Variants in GAB2 observed in about 807,000 individuals in gnomAD.
GAB2 encodes GRB2-associated-binding protein 2.
A neutral mutation model predicts 65.5 loss-of-function variants in GAB2; 26 were observed. The observed-to-expected ratio is 0.40, with a 90% confidence interval of 0.29 to 0.55. The LOEUF (loss-of-function observed/expected upper bound fraction) is 0.55. GAB2 is among the 20% of genes least tolerant of loss of function. The pLI, the probability that GAB2 is intolerant of heterozygous loss-of-function variation, is 0.53. For missense variants in GAB2, 884 were observed against 875.8 expected, an observed-to-expected ratio of 1.01 and a Z score of -0.12; for synonymous variants, 321 against 329.6, an observed-to-expected ratio of 0.97 and a Z score of 0.28.
intron 1 of GAB2, among the ~76,000 whole-genome samples, chr11:78,303,880 CAA>C (rs939346234): frequency 3.9e-5 from 6 of 152,136 alleles, no homozygotes; most frequent in Non-Finnish European, 7.4e-5. Context: ...GTTGGAGAAA[CAA>C]AAGTTATTCT....
At chr11:78,416,343 G>T (rs1399782529) in intron 1 of GAB2, among the ~76,000 whole-genome samples, 1 of 152,060 alleles carries the variant, frequency 6.6e-6, no homozygotes, top group Non-Finnish European at 1.5e-5. Context: ...CTTGTACTCC[G>T]CAACAACAAC....
chr11:78,356,586 G>A (rs1031545410), intron 1 of GAB2, among the ~76,000 whole-genome samples: 1 of 152,100 alleles, frequency 6.6e-6, no homozygotes, highest in Non-Finnish European at 1.5e-5. Flanking sequence ...CTTTGGTTTT[G>A]AGCAATTAAG....
intron 1 of GAB2, among the ~76,000 whole-genome samples, chr11:78,386,775 G>A (rs1482620383): frequency 6.6e-5 from 10 of 152,142 alleles, no homozygotes; most frequent in Admixed American, 2.0e-4. Context: ...AGTAATGACC[G>A]CAGTCAGGGC....
chr11:78,239,193 AACT>A, intron 3 of GAB2, among the ~76,000 whole-genome samples: 1 of 152,168 alleles, frequency 6.6e-6, no homozygotes, highest in Admixed American at 6.5e-5. Context: ...ATGAATAAAC[AACT>A]ACATTTTAAA....
chr11:78,224,223 G>A (rs568045132), intron 5 of GAB2, among the ~76,000 whole-genome samples: 2 of 152,288 alleles, frequency 1.3e-5, no homozygotes, highest in South Asian at 2.1e-4. Flanking sequence ...CTTGGTGACT[G>A]GGTCCACTTG....
At chr11:78,312,063 C>A (rs61490632) in intron 1 of GAB2, among the ~76,000 whole-genome samples, 2,215 of 152,152 alleles carry the variant, frequency 0.015, 60 homozygotes, top group African/African-American at 0.051. Flanking sequence ...TGAAAACAGC[C>A]CTTTTTCTAG....
intron 1 of GAB2, among the ~76,000 whole-genome samples, chr11:78,285,821 T>A (rs1866464468): frequency 6.6e-6 from 1 of 152,230 alleles, no homozygotes; most frequent in South Asian, 2.1e-4. Context: ...CAACTCTAAG[T>A]GTCTGGCCTC....
rs372693456 is a variant in GAB2 at position 78,233,040 on chromosome 11, G to GTT, written c.621-5991_621-5990dup. Among the ~76,000 whole-genome samples the GTT allele has an allele frequency of 4.5e-3, 600 of 131,958 alleles. 16 individuals carry two copies. The highest frequency in any genetic ancestry group is 0.017 in the African/African-American group (553 of 33,280). The allele number at this position is 131,958 out of a possible 152,430, so 86.6% of individuals were successfully genotyped here. On this transcript the variant is annotated intron_variant, in intron 3 of 9. Transcript: ENST00000361507. ...ACTTACCAATACCTGGCACTGTTAA[G>GTT]TTTTTTTTTTTTTTTTGGTGACAAG...
At chr11:78,238,923 A>G (rs1865058334) in intron 3 of GAB2, among the ~76,000 whole-genome samples, 1 of 152,198 alleles carries the variant, frequency 6.6e-6, no homozygotes, top group Admixed American at 6.5e-5. Flanking sequence ...AACAACAACA[A>G]CAAAAATCAA....
chr11:78,407,139 G>A (rs1427767736), intron 1 of GAB2, among the ~76,000 whole-genome samples: 1 of 152,144 alleles, frequency 6.6e-6, no homozygotes, highest in African/African-American at 2.4e-5. Flanking sequence ...TTTGTCATTG[G>A]ATTCTTGGAA....
At chr11:78,350,093 A>G (rs1172108230) in intron 1 of GAB2, among the ~76,000 whole-genome samples, 1 of 152,142 alleles carries the variant, frequency 6.6e-6, no homozygotes, top group Non-Finnish European at 1.5e-5. Flanking sequence ...TTGAAAAAAA[A>G]GTTAGGCAAA....
At chr11:78,406,893 TAGAAGA>T (rs575203620) in intron 1 of GAB2, among the ~76,000 whole-genome samples, 9,584 of 151,606 alleles carry the variant, frequency 0.063, 970 homozygotes, top group African/African-American at 0.22. Context: ...AGTAAAAAAA[TAGAAGA>T]TGTAAAGAAA....
Position 78,374,410 on chromosome 11 carries a change from A to G in GAB2, c.75+43236T>C, listed in dbSNP as rs566456927. 2.0e-5 allele frequency among the ~76,000 whole-genome samples: 3 copies of G among 152,314 alleles called. No individual in the cohort carries two copies. In the East Asian group the frequency reaches 5.8e-4, roughly 29 times the overall value. On this transcript the variant is annotated intron_variant, in intron 1 of 9. Coordinates refer to ENST00000361507, the MANE Select transcript of GAB2 (RefSeq NM_080491.3). ...ATGTAGGACCTTATTGTCCATGTCA[A>G]CAAACCCCTACAACAAAGGAAAGAC... is the stretch of plus-strand genomic sequence containing the variant.
chr11:78,281,642 T>A (rs977203619), intron 1 of GAB2, among the ~76,000 whole-genome samples: 5 of 152,198 alleles, frequency 3.3e-5, no homozygotes, highest in Admixed American at 3.3e-4. Flanking sequence ...TTTTCAGATT[T>A]CCCAAGTTTC....
At chr11:78,230,652 G>C (rs1368142783) in intron 3 of GAB2, among the ~76,000 whole-genome samples, 1 of 152,268 alleles carries the variant, frequency 6.6e-6, no homozygotes, top group Non-Finnish European at 1.5e-5. Context: ...GCATATGATA[G>C]ATAATAGTGA....
intron 2 of GAB2, among the ~76,000 whole-genome samples, chr11:78,269,877 A>G (rs1565135122): frequency 6.6e-6 from 1 of 152,200 alleles, no homozygotes; most frequent in Non-Finnish European, 1.5e-5. Context: ...GAGTTCGAGA[A>G]GGTAAAAAAC....
chr11:78,411,732 GA>G (rs921253918), intron 1 of GAB2, among the ~76,000 whole-genome samples: 85 of 146,308 alleles, frequency 5.8e-4, no homozygotes, highest in Non-Finnish European at 8.0e-4. Flanking sequence ...AAAATGTGTA[GA>G]AAAAAAAAAA....
chr11:78,346,112 G>A (rs1856174959), intron 1 of GAB2, among the ~76,000 whole-genome samples: 2 of 152,072 alleles, frequency 1.3e-5, no homozygotes, highest in South Asian at 2.1e-4. Context: ...CAATCAACTC[G>A]ACAGCTGTAA....
intron 1 of GAB2, among the ~76,000 whole-genome samples, chr11:78,409,503 G>C (rs548430473): frequency 6.6e-6 from 1 of 152,182 alleles, no homozygotes; most frequent in Non-Finnish European, 1.5e-5. Flanking sequence ...AGAATTGCTT[G>C]CACCCAGGAG....
Sources: gnomAD v4.1 joint callset for allele counts (sites outside exome capture counted in the v4.1 genomes callset) on GRCh38, gnomAD v4.1.1 for gene constraint, MANE v1.5 for transcripts, NCBI Gene and HGNC (gene_info 2026-07-23, HGNC 2026-07-21) for gene names.